KCNT1: variants seen among roughly 807,000 people sequenced by gnomAD.
The protein encoded by KCNT1 is potassium sodium-activated channel subfamily T member 1.
Under a neutral mutation model 147.8 loss-of-function variants are expected in KCNT1, and 78 were observed. That is an observed-to-expected ratio of 0.53 (90% CI 0.44 to 0.64). The LOEUF is 0.64. KCNT1 is among the 30% of genes least tolerant of loss of function. The probability of loss-of-function intolerance (pLI) is 0.00; values close to 1 mark genes in which losing one functional copy is unlikely to be tolerated. For synonymous variants in KCNT1, 867 were observed against 748.8 expected (o/e 1.16, Z -2.58); for missense variants, 1,419 against 1,750.3 (o/e 0.81, Z 3.38).
At chr9:135,755,214 G>A (rs1391875521) in intron 6 of KCNT1, 45 bp downstream of exon 6, 1 of 1,564,550 alleles carries the variant, frequency 6.4e-7, no homozygotes, top group Non-Finnish European at 8.7e-7. Context: ...GTGGTGCTCA[G>A]TAAGCACTGA....
At chr9:135,759,006 C>G (rs1263061785) in intron 10 of KCNT1, among the ~76,000 whole-genome samples, 1 of 152,372 alleles carries the variant, frequency 6.6e-6, no homozygotes, top group East Asian at 1.9e-4. Flanking sequence ...CTTCCCGTCC[C>G]CAGGCAGGGA....
rs958314822 is a variant in KCNT1 at position 135,786,309 on chromosome 9, G to T, written c.3290G>T (p.Gly1097Val). ...GSSQGRHTGG[G>V]DPAEHPLLRR... ...TCCCAGGGCCGCCACACGGGCGGCG[G>T]TGACCCCGCAGAGCACCCACTGCTA... The change falls in exon 29 of 31, where the codon GGT (glycine) becomes GTT (valine). Residue 1097 changes from glycine (G) to valine (V), a missense_variant. This residue lies in a region of KCNT1 where 306 missense variants were observed against 294.2 expected (regional missense o/e 1.04). Transcript: ENST00000371757. 2 of 1,601,876 alleles carry T rather than the reference G, an allele frequency of 1.2e-6. No homozygotes were observed. The highest frequency in any genetic ancestry group is 2.7e-5 in the African/African-American group (2 of 74,800).
chr9:135,761,437 G>A (rs1346632370), intron 11 of KCNT1, among the ~76,000 whole-genome samples: 1 of 152,208 alleles, frequency 6.6e-6, no homozygotes, highest in African/African-American at 2.4e-5. Flanking sequence ...GAGGCCAGGA[G>A]CACAGTGTGG....
At chr9:135,770,181 G>C in intron 16 of KCNT1, 117 bp from the exon 17 acceptor site, 1 of 1,407,130 alleles carries the variant, frequency 7.1e-7, no homozygotes, top group Non-Finnish European at 9.6e-7. Context: ...CAAAAGTCCT[G>C]CATAGGGAGG....
intron 13 of KCNT1, 114 bp from the exon 14 acceptor site, chr9:135,768,496 A>G (rs928131297): frequency 9.8e-6 from 7 of 715,806 alleles, no homozygotes; most frequent in African/African-American, 5.4e-5. Context: ...CTTTCTGTGC[A>G]CCTGCTGCAC....
At chr9:135,721,311 G>A (rs534336625) in intron 2 of KCNT1, among the ~76,000 whole-genome samples, 2 of 152,328 alleles carry the variant, frequency 1.3e-5, no homozygotes, top group East Asian at 3.9e-4. Context: ...TGGGGTAGGG[G>A]GTGGTTATAT....
At chr9:135,757,780 C>A (rs1303723970) in intron 9 of KCNT1, among the ~76,000 whole-genome samples, 1 of 152,180 alleles carries the variant, frequency 6.6e-6, no homozygotes, top group Non-Finnish European at 1.5e-5. Flanking sequence ...CACGGGGCCA[C>A]AGGCAGGCCC....
intron 3 of KCNT1, 105 bp downstream of exon 3, chr9:135,750,282 C>T: frequency 1.1e-6 from 1 of 934,830 alleles, no homozygotes; most frequent in African/African-American, 1.6e-5. Context: ...CAGGGAGAGT[C>T]CATGGGGTGG....
chr9:135,753,793 G>A (rs1588315221), intron 4 of KCNT1, 144 bp from the exon 5 acceptor site: 2 of 765,074 alleles, frequency 2.6e-6, no homozygotes, highest in South Asian at 3.1e-5. Flanking sequence ...TCTCCCAGGT[G>A]TTAGAGCTCT....
chr9:135,732,024 A>AGAGAGGGG (rs1554766188), intron 2 of KCNT1, among the ~76,000 whole-genome samples: 3 of 65,080 alleles, frequency 4.6e-5, no homozygotes, highest in Non-Finnish European at 6.4e-5. Flanking sequence ...AGAGAGAGAG[A>AGAGAGGGG]GAGAGAGAGA....
At chr9:135,707,021 A>G (rs1408381975) in intron 1 of KCNT1, among the ~76,000 whole-genome samples, 1 of 150,604 alleles carries the variant, frequency 6.6e-6, no homozygotes. Context: ...ACGGTGGGTC[A>G]TGCCTGTGAT....
At position 135,771,023 on chromosome 9, in the gene KCNT1, A is replaced by C; in HGVS notation, c.1936A>C (p.Arg646=). 1 of 1,613,578 alleles carries C rather than the reference A, an allele frequency of 6.2e-7. No individual in the cohort carries two copies. Among genetic ancestry groups the C allele is most frequent in the Non-Finnish European group, 8.5e-7 (1 of 1,179,788 alleles). The change falls in exon 18 of 31, where the codon AGG becomes CGG. Residue 646 remains arginine (R), a synonymous_variant. Transcript: ENST00000371757. ...IFKQEEKRKK[R]AFSGQGLHEG... ...CAAGCAGGAGGAGAAGCGGAAGAAG[A>C]GGGCCTTCTCGGGGCAGGGGCTGCA...
In KCNT1 at chr9:135,702,377, T is replaced by A. The variant is rs761910853; in HGVS notation, c.110+9T>A. On this transcript the variant is annotated intron_variant, in intron 1 of 30. Coordinates refer to ENST00000371757, the MANE Select transcript of KCNT1 (RefSeq NM_020822.3). ...GGCCAATGCGCCCCCAGGTACAGTCTGCTGCGCCCTCCCCACGCGGGGAGG... is the reference window on the plus strand; with the variant it reads ...GGCCAATGCGCCCCCAGGTACAGTCAGCTGCGCCCTCCCCACGCGGGGAGG... 19 of 1,604,178 alleles carry A rather than the reference T, an allele frequency of 1.2e-5. No homozygotes were observed. Among genetic ancestry groups the A allele is most frequent in the Admixed American group, 1.7e-5 (1 of 59,862 alleles).
At chr9:135,785,860 G>A (rs1449448648) in intron 28 of KCNT1, 2 of 453,802 alleles carry the variant, frequency 4.4e-6, no homozygotes, top group Non-Finnish European at 7.9e-6. Flanking sequence ...GGATGTGCTG[G>A]GGTCCAGATG....
At chr9:135,744,721 C>T (rs903548349) in intron 2 of KCNT1, among the ~76,000 whole-genome samples, 1 of 152,212 alleles carries the variant, frequency 6.6e-6, no homozygotes, top group Non-Finnish European at 1.5e-5. Flanking sequence ...CTCCCAGGGC[C>T]AGGGCCAGGG....
chr9:135,737,052 G>C (rs1157543501), intron 2 of KCNT1: 1 of 228,220 alleles, frequency 4.4e-6, no homozygotes, highest in African/African-American at 2.3e-5. Context: ...AGTGGACCCA[G>C]CTCTGTGCCA....
rs10858172 is a variant in KCNT1 at position 135,770,815 on chromosome 9, G to A, written c.1770-42G>A. 722,177 of 1,498,982 alleles carry A rather than the reference G, an allele frequency of 0.48. 176,639 individuals are homozygous for A. The highest frequency in any genetic ancestry group is 0.65 in the African/African-American group (46,595 of 72,180). The allele number at this position is 1,498,982 out of a possible 1,614,324, so 92.9% of individuals were successfully genotyped here. On this transcript the variant is annotated intron_variant, in intron 17 of 30. Coordinates refer to ENST00000371757, the MANE Select transcript of KCNT1 (RefSeq NM_020822.3). ...GGGCAGGCAGGGAGCGGGACAGGGC[G>A]GGTGAGCGGCGGTACCTGAAGTTGC...
intron 2 of KCNT1, among the ~76,000 whole-genome samples, chr9:135,716,303 G>T (rs953375500): frequency 6.6e-6 from 1 of 152,154 alleles, no homozygotes; most frequent in Non-Finnish European, 1.5e-5. Context: ...TGTGGCTGTG[G>T]TTGATCAAAT....
chr9:135,739,608 C>G lies in KCNT1; in HGVS notation c.255-10490C>G, dbSNP rs562849079. On this transcript the variant is annotated intron_variant, in intron 2 of 30. Transcript: ENST00000371757. The stretch of plus-strand genomic sequence containing the variant: ...TGGTGTTCACACCGGCTCGGCACAC[C>G]CCTTCCCCTGGGCCTGAAGCCCCCC... Among the ~76,000 whole-genome samples the G allele has an allele frequency of 2.0e-5, 3 of 152,308 alleles. No homozygotes were observed. The East Asian group carries it at 5.8e-4, about 29-fold the overall frequency.
Sources: allele counts gnomAD v4.1 joint callset (sites outside exome capture counted in the v4.1 genomes callset), GRCh38; gene constraint gnomAD v4.1.1; regional missense constraint gnomAD v4.1.1; transcripts MANE v1.5; gene names NCBI Gene and HGNC (gene_info 2026-07-23, HGNC 2026-07-21).